Variants in SIRPB1 observed in about 807,000 individuals in gnomAD.
The protein encoded by SIRPB1 is signal-regulatory protein beta-1.
SIRPB1 carries 28 observed loss-of-function variants against 34.1 expected under a neutral mutation model. That is an observed-to-expected ratio of 0.82 (90% CI 0.61 to 1.12). SIRPB1 has a LOEUF of 1.12. Among genes scored for constraint, SIRPB1 ranks in the 50% most tolerant of loss-of-function variants. SIRPB1 has a pLI of 0.00. For missense variants in SIRPB1, 499 were observed against 507.0 expected, an observed-to-expected ratio of 0.98 and a Z score of 0.15; for synonymous variants, 211 against 203.8, an observed-to-expected ratio of 1.04 and a Z score of -0.30.
At chr20:1,615,579 A>T (rs1213728350) in intron 1 of SIRPB1, among the ~76,000 whole-genome samples, 1 of 152,226 alleles carries the variant, frequency 6.6e-6, no homozygotes, top group African/African-American at 2.4e-5. Flanking sequence ...AATAATCCTC[A>T]ACCAAACACT....
Position 1,619,977 on chromosome 20 carries a change from C to T in SIRPB1, c.-33G>A, listed in dbSNP as rs765213446. ...ACCTTAGGAGCCTGCTCTGTCCAAA[C>T]GTCTGTGCTGGGAAGATCGCAGACT... On this transcript the variant is annotated 5_prime_UTR_variant, in exon 1 of 6. Transcript: ENST00000381605. The T allele has an allele frequency of 3.1e-6, 5 of 1,600,140 alleles. No homozygotes were observed. Among genetic ancestry groups the T allele is most frequent in the East Asian group, 2.2e-5 (1 of 44,772 alleles).
In SIRPB1 at chr20:1,586,599, T is replaced by C. The variant is rs2091424128; in HGVS notation, c.77-7905A>G. Among the ~76,000 whole-genome samples, 2 of 49,008 alleles carry C rather than the reference T, an allele frequency of 4.1e-5. 1 individual carries two copies. Among genetic ancestry groups the C allele is most frequent in the Non-Finnish European group, 7.9e-5 (2 of 25,378 alleles). The allele number at this position is 49,008 out of a possible 152,430, so 32.2% of individuals were successfully genotyped here. On this transcript the variant is annotated intron_variant, in intron 1 of 5. Coordinates refer to ENST00000381605, the MANE Select transcript of SIRPB1 (RefSeq NM_006065.5). ...GCGTTATCGCCTGAGTTCTGCCTCC[T>C]GTCAGATCAGTGGCAGCATTAGATT...
At chr20:1,617,432 G>A (rs1005244825) in intron 1 of SIRPB1, among the ~76,000 whole-genome samples, 2 of 152,128 alleles carry the variant, frequency 1.3e-5, no homozygotes, top group African/African-American at 4.8e-5. Flanking sequence ...AATAAGCCAG[G>A]CACAGAAAGA....
rs61731659 is a variant in SIRPB1 at position 1,571,818 on chromosome 20, C to T, written c.653G>A (p.Arg218His). 2,219 of 1,614,224 alleles carry T rather than the reference C, an allele frequency of 1.4e-3. 23 individuals carry two copies. In the African/African-American group the frequency reaches 0.023, roughly 17 times the overall value. Residue 218 changes from arginine to histidine, a missense_variant, in exon 3 of 6, where the codon CGT becomes CAT. Physicochemically the swap from Arg to His is conservative, Grantham distance 29. Coordinates refer to ENST00000381605, the MANE Select transcript of SIRPB1 (RefSeq NM_006065.5). The part of the protein sequence containing the change: ...IHSTARVVLT[R>H]GDVHSQVICE... Reference sequence around the variant, plus strand: ...GATGACTTGAGAGTGAACGTCCCCACGGGTCAGCACCACCCTGGCTGTGCT... The same window carrying T: ...GATGACTTGAGAGTGAACGTCCCCATGGGTCAGCACCACCCTGGCTGTGCT...
At position 1,619,642 on chromosome 20, in the gene SIRPB1, G is replaced by A. The variant is rs980975868; in HGVS notation, c.76+227C>T. Among the ~76,000 whole-genome samples, 8 of 152,328 alleles carry A rather than the reference G, an allele frequency of 5.3e-5. No individual in the cohort carries two copies. In the East Asian group the frequency reaches 1.3e-3, roughly 26 times the overall value. On this transcript the variant is annotated intron_variant, in intron 1 of 5. Transcript: ENST00000381605. Reference sequence around the variant, plus strand: ...CAATTGAAATATTATCAAAATGTAAGTAATTGTTGTTGTGGTGGTTGAATC... The same window carrying A: ...CAATTGAAATATTATCAAAATGTAAATAATTGTTGTTGTGGTGGTTGAATC...
At chr20:1,618,422 GC>G (rs2068901543) in intron 1 of SIRPB1, among the ~76,000 whole-genome samples, 1 of 152,184 alleles carries the variant, frequency 6.6e-6, no homozygotes, top group African/African-American at 2.4e-5. Flanking sequence ...TCCTCCCTCT[GC>G]CTGAGTCTTT....
chr20:1,616,768 A>G (rs185504858), intron 1 of SIRPB1, among the ~76,000 whole-genome samples: 2 of 152,364 alleles, frequency 1.3e-5, no homozygotes, highest in Admixed American at 1.3e-4. Flanking sequence ...GACAACCAGC[A>G]GAATGGAAGA....
In SIRPB1 at chr20:1,619,852, C is replaced by A. The variant is rs373533499; in HGVS notation, c.76+17G>T. 7.3e-5 allele frequency: 116 copies of A among 1,585,034 alleles called. 1 individual carries two copies. In the African/African-American group the frequency reaches 1.3e-3, roughly 17 times the overall value. On this transcript the variant is annotated intron_variant, in intron 1 of 5. Coordinates refer to ENST00000381605, the MANE Select transcript of SIRPB1 (RefSeq NM_006065.5). ...CAGTGGGCAGGAAAAAAGATTTTAA[C>A]CGAAGGCAGTGCTCACCTGTGAGTC...
intron 2 of SIRPB1, among the ~76,000 whole-genome samples, chr20:1,576,360 C>A (rs374916726): frequency 6.8e-6 from 1 of 147,680 alleles, no homozygotes; most frequent in Admixed American, 6.7e-5. Flanking sequence ...TTTACATATA[C>A]ACATTTTTTT....
At chr20:1,568,299 C>A (rs57861683) in intron 4 of SIRPB1, among the ~76,000 whole-genome samples, 1 of 152,346 alleles carries the variant, frequency 6.6e-6, no homozygotes, top group African/African-American at 2.4e-5. Flanking sequence ...CAGTCTCTCA[C>A]TAGGCTCCCA....
intron 3 of SIRPB1, 35 bp downstream of exon 3, chr20:1,571,685 G>A (rs780560410): frequency 1.2e-6 from 2 of 1,612,692 alleles, no homozygotes; most frequent in South Asian, 2.2e-5. Flanking sequence ...TTGGCAGCCA[G>A]GTGTGGGCTT....
rs910206751 is a variant in SIRPB1 at position 1,584,462 on chromosome 20, T to C, written c.77-5768A>G. 4.1e-5 allele frequency among the ~76,000 whole-genome samples: 2 copies of C among 49,198 alleles called. 1 individual carries two copies. The highest frequency in any genetic ancestry group is 7.8e-5 in the Non-Finnish European group (2 of 25,498). 32.3% of individuals were successfully genotyped at this position (49,198 alleles called of 152,430 possible). On this transcript the variant is annotated intron_variant, in intron 1 of 5. Coordinates refer to ENST00000381605, the MANE Select transcript of SIRPB1 (RefSeq NM_006065.5). ...TAATTGGTAAAAATCAGTAGTTTCATACACTTATAGCAAATTAGTGGGAAA... is the reference window on the plus strand; with the variant it reads ...TAATTGGTAAAAATCAGTAGTTTCACACACTTATAGCAAATTAGTGGGAAA...
In SIRPB1 at chr20:1,571,897, C is replaced by T. The variant is rs776138135; in HGVS notation, c.574G>A (p.Asp192Asn). ...KWFKNGNELS[D>N]FQTNVDPAGD... ...GCGGGGTCCACGTTGGTCTGGAAGT[C>T]TGAGAGCTCATTCCCATTTTTGAAC... Residue 192 changes from aspartate (D) to asparagine (N), a missense_variant, in exon 3 of 6, where the codon GAC becomes AAC. Transcript: ENST00000381605. 1.2e-5 allele frequency: 20 copies of T among 1,614,106 alleles called. No individual in the cohort carries two copies. Among genetic ancestry groups the T allele is most frequent in the African/African-American group, 1.2e-4 (9 of 74,946 alleles).
rs1042821024 is a variant in SIRPB1 at position 1,570,967 on chromosome 20, T to C, written c.922A>G (p.Thr308Ala). The change falls in exon 4 of 6, where the codon ACC (threonine) becomes GCC (alanine). Residue 308 changes from threonine (T) to alanine (A), a missense_variant. Transcript: ENST00000381605. ...AGGAGCCAGCTCATCCAGTTGTAGG[T>C]GCCATCCTTGTTCTCTATGAGGGTC... is the stretch of plus-strand genomic sequence containing the variant. ...ASTLIENKDGTYNWMSWLLVN... is the reference protein window; with the variant it reads ...ASTLIENKDGAYNWMSWLLVN... 1 of 1,613,464 alleles carries C rather than the reference T, an allele frequency of 6.2e-7. No individual in the cohort carries two copies. The highest frequency in any genetic ancestry group is 1.3e-5 in the African/African-American group (1 of 74,888).
intron 1 of SIRPB1, among the ~76,000 whole-genome samples, chr20:1,609,733 A>T (rs2091546177): frequency 1.4e-5 from 1 of 72,972 alleles, no homozygotes; most frequent in Admixed American, 1.1e-4. Context: ...TGAGAGTTTG[A>T]GACCAGCCTG....
chr20:1,571,688 G>C (rs2091239196), intron 3 of SIRPB1, 32 bp downstream of exon 3: 1 of 1,612,234 alleles, frequency 6.2e-7, no homozygotes, highest in South Asian at 1.1e-5. Flanking sequence ...GCAGCCAGGT[G>C]TGGGCTTGGG....
At position 1,582,649 on chromosome 20, in the gene SIRPB1, T is replaced by A. The variant is rs2091403954; in HGVS notation, c.77-3955A>T. Among the ~76,000 whole-genome samples the A allele has an allele frequency of 4.0e-5, 2 of 49,528 alleles. 1 individual carries two copies. The highest frequency in any genetic ancestry group is 1.1e-3 in the East Asian group (2 of 1,768). The allele number at this position is 49,528 out of a possible 152,430, so 32.5% of individuals were successfully genotyped here. A position where few individuals can be genotyped will look rare whatever the true frequency, so the allele number is the denominator to read the frequency against. ...CAAACAATGTAATATATCATATTTA[T>A]AGAAGAAAGACAAGAAACACATGAT... On this transcript the variant is annotated intron_variant, in intron 1 of 5. Coordinates refer to ENST00000381605, the MANE Select transcript of SIRPB1 (RefSeq NM_006065.5).
intron 1 of SIRPB1, among the ~76,000 whole-genome samples, chr20:1,606,129 G>A (rs746050860): frequency 0.26 from 13,460 of 51,172 alleles, 5,161 homozygotes; most frequent in Middle Eastern, 0.43. Flanking sequence ...TTATCTTTCA[G>A]ATAAATGCTA....
In SIRPB1 at chr20:1,614,434, C is replaced by T. The variant is rs1367195357; in HGVS notation, c.76+5435G>A. Among the ~76,000 whole-genome samples, 4 of 152,138 alleles carry T rather than the reference C, an allele frequency of 2.6e-5. No individual in the cohort carries two copies. The East Asian group carries it at 7.7e-4, about 29-fold the overall frequency. On this transcript the variant is annotated intron_variant, in intron 1 of 5. Transcript: ENST00000381605. ...TTAAAGCTGGTCCCTGCCACAATTCCTCTTCTTGTCCTCCTCTACTGTGAC... is the reference window on the plus strand; with the variant it reads ...TTAAAGCTGGTCCCTGCCACAATTCTTCTTCTTGTCCTCCTCTACTGTGAC...
Sources: gnomAD v4.1 joint callset for allele counts (sites outside exome capture counted in the v4.1 genomes callset) on GRCh38, gnomAD v4.1.1 for gene constraint, MANE v1.5 for transcripts, NCBI Gene and HGNC (gene_info 2026-07-23, HGNC 2026-07-21) for gene names.